CNTN5: variants seen among roughly 807,000 people sequenced by gnomAD.
CNTN5 encodes contactin-5.
In CNTN5, 77 loss-of-function variants were observed where a neutral mutation model predicts 129.1. The ratio of observed to expected loss-of-function variants is 0.60; its 90% CI spans 0.50 to 0.72. The LOEUF is 0.72. Among genes scored for constraint, CNTN5 ranks in the 30% least tolerant of loss-of-function variants. The pLI, the probability that CNTN5 is intolerant of heterozygous loss-of-function variation, is 0.00. For synonymous variants in CNTN5, 509 were observed against 465.6 expected (o/e 1.09, Z -1.20); for missense variants, 1,478 against 1,328.8 (o/e 1.11, Z -1.75).
In CNTN5 at chr11:100,023,620, G is replaced by C. The variant is rs373996729; in HGVS notation, c.980+21484G>C. Among the ~76,000 whole-genome samples, 42 of 152,290 alleles carry C rather than the reference G, an allele frequency of 2.8e-4. No homozygotes were observed. The East Asian group carries it at 6.8e-3, about 24-fold the overall frequency. ...ATCTACCATTACAGTATCATACAGA[G>C]TAGTTTCAAAATCCCTACAAATCTT... On this transcript the variant is annotated intron_variant, in intron 9 of 24. Coordinates refer to ENST00000524871, the MANE Select transcript of CNTN5 (RefSeq NM_014361.4).
chr11:100,190,884 A>C (rs1473848535), intron 13 of CNTN5, among the ~76,000 whole-genome samples: 1 of 152,076 alleles, frequency 6.6e-6, no homozygotes, highest in Non-Finnish European at 1.5e-5. Context: ...ATTAACTGTC[A>C]AAAAATGTCA....
At chr11:99,812,237 T>C (rs1946450055) in intron 3 of CNTN5, among the ~76,000 whole-genome samples, 1 of 152,162 alleles carries the variant, frequency 6.6e-6, no homozygotes, top group South Asian at 2.1e-4. Flanking sequence ...ACTTTTCTTT[T>C]AGAATTTGTT....
At chr11:99,342,711 A>T (rs1250956367) in intron 2 of CNTN5, among the ~76,000 whole-genome samples, 5 of 151,778 alleles carry the variant, frequency 3.3e-5, no homozygotes, top group African/African-American at 9.7e-5. Context: ...AGCTTGGGCA[A>T]CAGAGGGAAA....
chr11:99,719,164 C>T (rs1591527442), intron 3 of CNTN5, among the ~76,000 whole-genome samples: 1 of 151,856 alleles, frequency 6.6e-6, no homozygotes, highest in Non-Finnish European at 1.5e-5. Flanking sequence ...AGTAAGAATA[C>T]AAAAATTAGC....
intron 1 of CNTN5, among the ~76,000 whole-genome samples, chr11:99,049,051 G>A: frequency 6.6e-6 from 1 of 152,120 alleles, no homozygotes; most frequent in East Asian, 1.9e-4. Flanking sequence ...GGGAAACATG[G>A]TATAGTATAT....
chr11:99,883,973 G>T (rs937185674), intron 6 of CNTN5, among the ~76,000 whole-genome samples: 1 of 152,060 alleles, frequency 6.6e-6, no homozygotes, highest in Non-Finnish European at 1.5e-5. Flanking sequence ...TAAATCACTG[G>T]TAAAAATTCA....
At chr11:99,382,452 C>T (rs1023167049) in intron 2 of CNTN5, among the ~76,000 whole-genome samples, 7 of 152,104 alleles carry the variant, frequency 4.6e-5, no homozygotes, top group African/African-American at 1.4e-4. Flanking sequence ...TTAAGAACTG[C>T]CACTCTACCG....
intron 2 of CNTN5, among the ~76,000 whole-genome samples, chr11:99,415,273 A>T (rs1942600802): frequency 6.6e-6 from 1 of 152,074 alleles, no homozygotes; most frequent in African/African-American, 2.4e-5. Context: ...TTTTCTTCTG[A>T]GGTTTAATGA....
At chr11:99,517,482 G>T (rs59156729) in intron 2 of CNTN5, among the ~76,000 whole-genome samples, 10,012 of 152,012 alleles carry the variant, frequency 0.066, 362 homozygotes, top group African/African-American at 0.098. Flanking sequence ...TCCACAATCT[G>T]GTCCCTGCTC....
At chr11:99,353,382 T>G (rs1938430720) in intron 2 of CNTN5, among the ~76,000 whole-genome samples, 1 of 152,226 alleles carries the variant, frequency 6.6e-6, no homozygotes, top group African/African-American at 2.4e-5. Context: ...TTCTGGGTGC[T>G]TGAGTCTTGA....
chr11:100,157,858 C>T (rs75226987), intron 13 of CNTN5, among the ~76,000 whole-genome samples: 7 of 95,020 alleles, frequency 7.4e-5, no homozygotes, highest in Non-Finnish European at 1.7e-4. Flanking sequence ...ATAAAAAAAG[C>T]ATGTGAAAAA....
chr11:99,622,599 T>A (rs994954445), intron 3 of CNTN5, among the ~76,000 whole-genome samples: 3 of 152,098 alleles, frequency 2.0e-5, no homozygotes, highest in African/African-American at 4.8e-5. Flanking sequence ...ACTTTTTCAA[T>A]GAAAGGAAGA....
At chr11:99,734,216 CATTT>C (rs1019357474) in intron 3 of CNTN5, among the ~76,000 whole-genome samples, 5 of 152,336 alleles carry the variant, frequency 3.3e-5, no homozygotes, top group Middle Eastern at 3.4e-3. Flanking sequence ...TCACCTTAAA[CATTT>C]ATCCTTCCAT....
At chr11:99,497,540 C>A (rs1946271577) in intron 2 of CNTN5, among the ~76,000 whole-genome samples, 1 of 151,948 alleles carries the variant, frequency 6.6e-6, no homozygotes, top group Non-Finnish European at 1.5e-5. Flanking sequence ...ATAACATGGG[C>A]CAGGACAACT....
chr11:99,972,219 C>T (rs1323349450), intron 8 of CNTN5, among the ~76,000 whole-genome samples: 2 of 151,882 alleles, frequency 1.3e-5, no homozygotes, highest in African/African-American at 2.4e-5. Flanking sequence ...CGAGATTGCG[C>T]CACTGCACTC....
chr11:100,292,491 G>A (rs1422159924), intron 18 of CNTN5, among the ~76,000 whole-genome samples: 1 of 151,954 alleles, frequency 6.6e-6, no homozygotes, highest in Non-Finnish European at 1.5e-5. Context: ...TTCATTTGAA[G>A]TTTCCTCAAG....
At chr11:99,589,828 A>C (rs1192335148) in intron 3 of CNTN5, among the ~76,000 whole-genome samples, 3 of 152,236 alleles carry the variant, frequency 2.0e-5, no homozygotes, top group African/African-American at 7.2e-5. Flanking sequence ...GAAGTATAAA[A>C]TGAGCTTCCT....
rs552967343 is a variant in CNTN5, at chr11:100,117,202, A to G, written c.1580+42908A>G. On this transcript the variant is annotated intron_variant, in intron 13 of 24. Coordinates refer to ENST00000524871, the MANE Select transcript of CNTN5 (RefSeq NM_014361.4). The stretch of plus-strand genomic sequence containing the variant: ...ATTGTGTGTCTATTAAAATCACTCT[A>G]CGTACCATCACTCAAAAGCATTTTT... Among the ~76,000 whole-genome samples the G allele has an allele frequency of 3.9e-4, 59 of 152,138 alleles. No homozygotes were observed. The South Asian group carries it at 0.012, about 30-fold the overall frequency.
intron 3 of CNTN5, among the ~76,000 whole-genome samples, chr11:99,705,858 G>A (rs1380243922): frequency 3.3e-5 from 5 of 151,310 alleles, no homozygotes; most frequent in Non-Finnish European, 7.4e-5. Flanking sequence ...CAAGTGTCAG[G>A]ATCCTCACAA....
Sources: gnomAD v4.1 joint callset for allele counts (sites outside exome capture counted in the v4.1 genomes callset) on GRCh38, gnomAD v4.1.1 for gene constraint, MANE v1.5 for transcripts, NCBI Gene and HGNC (gene_info 2026-07-23, HGNC 2026-07-21) for gene names.